Variants in TAF1C observed in about 807,000 individuals in gnomAD.
TAF1C encodes TATA-box binding protein associated factor, RNA polymerase I subunit C, also known as TATA box-binding protein-associated factor RNA polymerase I subunit C.
TAF1C carries 79 observed loss-of-function variants against 70.5 expected under a neutral mutation model. The ratio of observed to expected loss-of-function variants is 1.12; its 90% CI spans 0.93 to 1.35. The LOEUF (loss-of-function observed/expected upper bound fraction) is 1.35. Among genes scored for constraint, TAF1C ranks in the 40% most tolerant of loss-of-function variants. The pLI is 0.00. For missense variants in TAF1C, 1,412 were observed against 1,127.8 expected, an observed-to-expected ratio of 1.25 and a Z score of -3.61; for synonymous variants, 614 against 491.1, an observed-to-expected ratio of 1.25 and a Z score of -3.31.
At position 84,178,915 on chromosome 16, in the gene TAF1C, G is replaced by T; in HGVS notation, c.*26C>A. ...GAGGAAGGATGAGGGGCTCTCTGGG[G>T]CTTGAGGGCAGCCCACCTTGTGTCC... On this transcript the variant is annotated 3_prime_UTR_variant, in exon 15 of 15. Transcript: ENST00000566732. 1 of 1,557,100 alleles carries T rather than the reference G, an allele frequency of 6.4e-7. No individual in the cohort carries two copies.
At chr16:84,180,607 C>T (rs781403025) in intron 12 of TAF1C, 10 of 585,628 alleles carry the variant, frequency 1.7e-5, no homozygotes, top group Non-Finnish European at 2.5e-5. Context: ...GGAGCCTTGC[C>T]AGCAGAAACC....
At position 84,179,214 on chromosome 16, in the gene TAF1C, C is replaced by G; in HGVS notation, c.2259G>C (p.Glu753Asp). The change falls in exon 15 of 15, where the codon GAG becomes GAC. Residue 753 changes from glutamate to aspartate, a missense_variant. Transcript: ENST00000566732. ...SEDTSSPHSP[E>D]WPPADALPLP... ...GGGGCAGAGCATCAGCAGGTGGCCA[C>G]TCAGGGCTATGAGGGGAGCTGGTGT... 6.3e-7 allele frequency: 1 copy of G among 1,585,594 alleles called. No homozygotes were observed. Among genetic ancestry groups the G allele is most frequent in the Non-Finnish European group, 8.5e-7 (1 of 1,172,194 alleles).
chr16:84,180,958 A>G, intron 12 of TAF1C, 85 bp downstream of exon 12: 7 of 1,487,608 alleles, frequency 4.7e-6, no homozygotes, highest in Non-Finnish European at 5.4e-6. Context: ...GTCTGGGCCC[A>G]GCAGAGCCGC....
Position 84,182,964 on chromosome 16 carries a change from G to T in TAF1C, c.482+112C>A. On this transcript the variant is annotated intron_variant, in intron 6 of 14. Coordinates refer to ENST00000566732, the MANE Select transcript of TAF1C (RefSeq NM_001243156.2). The surrounding 1 kb of genome is among the most constrained non-coding windows in gnomAD (Gnocchi z 5.0). ...TAAGAAAGTACAGCTCAGACTGCAT[G>T]GAGCAGGGGGGAAGTGGGTATGACG... 1 of 1,052,022 alleles carries T rather than the reference G, an allele frequency of 9.5e-7. No homozygotes were observed. Among genetic ancestry groups the T allele is most frequent in the Non-Finnish European group, 1.5e-6 (1 of 684,544 alleles). The allele number at this position is 1,052,022 out of a possible 1,614,324, so 65.2% of individuals were successfully genotyped here. A position where few individuals can be genotyped will look rare whatever the true frequency, so the allele number is the denominator to read the frequency against.
In TAF1C at chr16:84,181,960, A is replaced by G. The variant is rs2089224936; in HGVS notation, c.820T>C (p.Cys274Arg). ...LQGPVRQVVT[C>R]TVQGETLLAV... ...GCCTTACTTTCTCCCTGGACGGTGC[A>G]TGTCACCACTTGCCGGACAGGTCCC... is the stretch of plus-strand genomic sequence containing the variant. The change falls in exon 8 of 15, where the codon TGC becomes CGC. Residue 274 changes from cysteine (C) to arginine (R), a missense_variant. Coordinates refer to ENST00000566732, the MANE Select transcript of TAF1C (RefSeq NM_001243156.2). 1 of 1,613,924 alleles carries G rather than the reference A, an allele frequency of 6.2e-7. No homozygotes were observed. Among genetic ancestry groups the G allele is most frequent in the Admixed American group, 1.7e-5 (1 of 60,020 alleles).
At chr16:84,184,734 G>T in intron 2 of TAF1C, 117 bp downstream of exon 2, 1 of 1,327,010 alleles carries the variant, frequency 7.5e-7, no homozygotes. Context: ...CTGTGTCTCA[G>T]CAGACTCGTG....
chr16:84,180,632 G>T, intron 12 of TAF1C: 1 of 618,472 alleles, frequency 1.6e-6, no homozygotes, highest in Non-Finnish European at 2.6e-6. Flanking sequence ...TGGCCTTCTC[G>T]CAGCCACCCC....
Position 84,178,011 on chromosome 16 carries a change from C to A in TAF1C, c.*930G>T. 1.5e-6 allele frequency: 1 copy of A among 658,378 alleles called. No homozygotes were observed. The allele number at this position is 658,378 out of a possible 1,614,324, so 40.8% of individuals were successfully genotyped here. On this transcript the variant is annotated 3_prime_UTR_variant, in exon 15 of 15. Coordinates refer to ENST00000566732, the MANE Select transcript of TAF1C (RefSeq NM_001243156.2). ...AACCTGAAAAAAGACCTTTCTCTTA[C>A]TATGTCATCAGAAACCAGACAGACC... is the stretch of plus-strand genomic sequence containing the variant.
rs760555266 is a variant in TAF1C, at chr16:84,181,316, G to A, written c.1164+12C>T. 9.3e-6 allele frequency: 15 copies of A among 1,611,742 alleles called. No homozygotes were observed. Among genetic ancestry groups the A allele is most frequent in the East Asian group, 2.2e-5 (1 of 44,802 alleles). ...CCGCAGTCGGGGTGGGTCCTCTGCC[G>A]CCAGCCCGTACCTGAGTGTCCAGCA... is the stretch of plus-strand genomic sequence containing the variant. On this transcript the variant is annotated intron_variant, in intron 11 of 14. Coordinates refer to ENST00000566732, the MANE Select transcript of TAF1C (RefSeq NM_001243156.2).
chr16:84,178,471 A>C lies in TAF1C; in HGVS notation c.*470T>G, dbSNP rs961049440. ...ATCAGACCGGGGCAGAGATTGACAA[A>C]GCAACCCACAACAGCAGCTGCCAAC... On this transcript the variant is annotated 3_prime_UTR_variant, in exon 15 of 15. Transcript: ENST00000566732. The C allele has an allele frequency of 2.2e-6, 1 of 459,728 alleles. No individual in the cohort carries two copies. Among genetic ancestry groups the C allele is most frequent in the Non-Finnish European group, 4.4e-6 (1 of 229,660 alleles). 28.5% of individuals were successfully genotyped at this position (459,728 alleles called of 1,614,324 possible).
Position 84,183,725 on chromosome 16 carries a change from C to G in TAF1C, c.192G>C (p.Gly64=), listed in dbSNP as rs1426692112. 1.2e-6 allele frequency: 2 copies of G among 1,612,996 alleles called. No homozygotes were observed. Among genetic ancestry groups the G allele is most frequent in the East Asian group, 2.2e-5 (1 of 44,832 alleles). The change falls in exon 3 of 15, where the codon GGG becomes GGC. Residue 64 remains glycine, a synonymous_variant. Coordinates refer to ENST00000566732, the MANE Select transcript of TAF1C (RefSeq NM_001243156.2). ...KDLLWEPATP[G]PLPMLPPLID... is the part of the protein sequence containing the mutation. Reference sequence around the variant, plus strand: ...TGAGGGGAGGCAGCATGGGGAGAGGCCCAGGGGTTGCCGGCTCCCACAGCA... The same window carrying G: ...TGAGGGGAGGCAGCATGGGGAGAGGGCCAGGGGTTGCCGGCTCCCACAGCA...
chr16:84,180,648 T>C (rs1472270518), intron 12 of TAF1C: 6 of 667,942 alleles, frequency 9.0e-6, no homozygotes, highest in Non-Finnish European at 1.4e-5. Flanking sequence ...ACCCCCACTC[T>C]CCTGACCCGG....
chr16:84,183,010 A>T (rs567705965), intron 6 of TAF1C, 66 bp downstream of exon 6: 1 of 1,543,018 alleles, frequency 6.5e-7, no homozygotes, highest in East Asian at 2.2e-5. Flanking sequence ...CGTGCGTCCT[A>T]GCACCTCCTA....
Position 84,183,262 on chromosome 16 carries a change from G to C in TAF1C, c.390C>G (p.Phe130Leu). The C allele has an allele frequency of 6.2e-7, 1 of 1,614,002 alleles. No individual in the cohort carries two copies. The highest frequency in any genetic ancestry group is 8.5e-7 in the Non-Finnish European group (1 of 1,180,028). Residue 130 changes from phenylalanine to leucine, a missense_variant, in exon 5 of 15, where the codon TTC (phenylalanine) becomes TTG (leucine). By Grantham distance (22) the Phe-to-Leu change is conservative. Coordinates refer to ENST00000566732, the MANE Select transcript of TAF1C (RefSeq NM_001243156.2). ...APLGKLMLEN[F>L]KLEGAGSRTK... ...CACTCACCCCCGCTCCCTCCAGCTTGAAATTCTCCAGCATCAGCTTCCCCA... is the reference window on the plus strand; with the variant it reads ...CACTCACCCCCGCTCCCTCCAGCTTCAAATTCTCCAGCATCAGCTTCCCCA...
rs527870933 is a variant in TAF1C, at chr16:84,179,837, C to T, written c.1636G>A (p.Val546Ile). The part of the protein sequence containing the change: ...KAPTIGLAAV[V>I]PPLPSAPTPG... The stretch of plus-strand genomic sequence containing the variant: ...GTGGGCGCTGAGGGCAAGGGCGGGA[C>T]GACGGCAGCCAGACCTGGTGACGGG... The change falls in exon 15 of 15, where the codon GTC becomes ATC. Residue 546 changes from valine to isoleucine, a missense_variant. Coordinates refer to ENST00000566732, the MANE Select transcript of TAF1C (RefSeq NM_001243156.2). 8.2e-5 allele frequency: 132 copies of T among 1,606,228 alleles called. No individual in the cohort carries two copies. The highest frequency in any genetic ancestry group is 1.0e-4 in the Non-Finnish European group (120 of 1,175,408).
Position 84,181,826 on chromosome 16 carries a change from C to T in TAF1C, c.876G>A (p.Val292=). The change falls in exon 9 of 15, where the codon GTG becomes GTA. Residue 292 remains valine (V), a synonymous_variant. Transcript: ENST00000566732. ...LAVRSDYHCA[V]WKFGKQWQPT... ...GCTGCCACTGTTTACCAAACTTCCA[C>T]ACGGCACAGTGGTAGTCAGAGCGGA... The T allele has an allele frequency of 1.2e-6, 2 of 1,614,194 alleles. No individual in the cohort carries two copies. The highest frequency in any genetic ancestry group is 1.7e-6 in the Non-Finnish European group (2 of 1,180,038).
rs1481487045 is a variant in TAF1C, at chr16:84,179,018, C to T, written c.2455G>A (p.Ala819Thr). The T allele has an allele frequency of 6.2e-7, 1 of 1,610,674 alleles. No individual in the cohort carries two copies. The highest frequency in any genetic ancestry group is 1.3e-5 in the African/African-American group (1 of 75,062). The stretch of plus-strand genomic sequence containing the variant: ...GGTGTGTGCTGCTGGGAGCGAGTGG[C>T]CCGGACGCTGGAGGCCTGGGAGTGG... ...PPHSQASSVRATRSQQHTPVL... is the reference protein window; with the variant it reads ...PPHSQASSVRTTRSQQHTPVL... Residue 819 changes from alanine to threonine, a missense_variant, in exon 15 of 15, where the codon GCC becomes ACC. Transcript: ENST00000566732.
Position 84,178,268 on chromosome 16 carries a change from C to A in TAF1C, c.*673G>T. 2.2e-6 allele frequency: 1 copy of A among 450,660 alleles called. No homozygotes were observed. Among genetic ancestry groups the A allele is most frequent in the South Asian group, 1.6e-5 (1 of 63,252 alleles). 27.9% of individuals were successfully genotyped at this position (450,660 alleles called of 1,614,324 possible). On this transcript the variant is annotated 3_prime_UTR_variant, in exon 15 of 15. Transcript: ENST00000566732. Reference sequence around the variant, plus strand: ...CTATCGACAGCCCACAGGTGCCAGACCCATGTCCCAAGGGAGAAGGAACAT... The same window carrying A: ...CTATCGACAGCCCACAGGTGCCAGAACCATGTCCCAAGGGAGAAGGAACAT...
Position 84,179,694 on chromosome 16 carries a change from A to G in TAF1C, c.1779T>C (p.Pro593=), listed in dbSNP as rs780296849. 1.8e-5 allele frequency: 29 copies of G among 1,612,412 alleles called. No individual in the cohort carries two copies. Among genetic ancestry groups the G allele is most frequent in the Non-Finnish European group, 2.4e-5 (28 of 1,179,906 alleles). The change falls in exon 15 of 15, where the codon CCT becomes CCC. Residue 593 remains proline (P), a synonymous_variant. Coordinates refer to ENST00000566732, the MANE Select transcript of TAF1C (RefSeq NM_001243156.2). ...RDAGPPGDTQ[P]DCHAPTASWT... ...AGGAAGCTGTGGGGGCATGGCAGTC[A>G]GGTTGGGTGTCGCCAGGAGGCCCAG...
Sources: allele counts gnomAD v4.1 joint callset, GRCh38; gene constraint gnomAD v4.1.1; non-coding constraint Gnocchi (gnomAD v3.1); transcripts MANE v1.5; gene names NCBI Gene and HGNC (gene_info 2026-07-23, HGNC 2026-07-21).